Variants in PALD1 observed in about 807,000 individuals in gnomAD.
PALD1 encodes phosphatase domain containing paladin 1.
Under a neutral mutation model 96.0 loss-of-function variants are expected in PALD1, and 57 were observed. The observed-to-expected ratio is 0.59, with a 90% CI of 0.48 to 0.74. The LOEUF (loss-of-function observed/expected upper bound fraction) is 0.74. PALD1 is among the 30% of genes least tolerant of loss of function. The pLI is 0.00. For synonymous variants in PALD1, 464 were observed against 473.6 expected, an observed-to-expected ratio of 0.98 and a Z score of 0.26; for missense variants, 1,063 against 1,143.7, an observed-to-expected ratio of 0.93 and a Z score of 1.02.
chr10:70,465,174 C>A, the PALD1 span, among the ~76,000 whole-genome samples: 1 of 151,906 alleles, frequency 6.6e-6, no homozygotes, highest in Admixed American at 6.6e-5. Context: ...CGGGGTTTCA[C>A]CATGTTAGCC....
Position 70,530,049 on chromosome 10 carries a change from T to G in PALD1, c.449T>G (p.Leu150Arg). The G allele has an allele frequency of 6.5e-7, 1 of 1,536,668 alleles. No individual in the cohort carries two copies. The highest frequency in any genetic ancestry group is 1.2e-5 in the South Asian group (1 of 80,132). Residue 150 changes from leucine to arginine, a missense_variant, in exon 4 of 20, where the codon CTC becomes CGC. Coordinates refer to ENST00000263563, the MANE Select transcript of PALD1 (RefSeq NM_014431.3). The stretch of plus-strand genomic sequence containing the variant: ...GGGTTCAGGCGGGTCCTCCAGAAAC[T>G]CCAGAAGGACGGACATAGGGTAAGT... ...LSGFRRVLQK[L>R]QKDGHRECVI...
rs1847197966 is a variant in PALD1, at chr10:70,539,676, G to A, written c.1822G>A (p.Glu608Lys). ...YRFQTCLTMQEVFSQHRRACP... is the reference protein window; with the variant it reads ...YRFQTCLTMQKVFSQHRRACP... ...GTTCCAGACCTGCCTTACCATGCAGGAGGTCTTCAGCCAGCACCGCAGGGC... is the reference window on the plus strand; with the variant it reads ...GTTCCAGACCTGCCTTACCATGCAGAAGGTCTTCAGCCAGCACCGCAGGGC... Residue 608 changes from glutamate to lysine, a missense_variant, in exon 15 of 20, where the codon GAG becomes AAG. Transcript: ENST00000263563. This position sits in a 1 kb window ranked among gnomAD's most constrained non-coding sequence, Gnocchi z 4.5. The A allele has an allele frequency of 6.2e-7, 1 of 1,613,748 alleles. No homozygotes were observed. The highest frequency in any genetic ancestry group is 1.3e-5 in the African/African-American group (1 of 74,996).
chr10:70,552,144 A>G (rs1254364332), intron 18 of PALD1, among the ~76,000 whole-genome samples: 13 of 152,224 alleles, frequency 8.5e-5, no homozygotes, highest in Non-Finnish European at 1.9e-4. Flanking sequence ...AAAGGTGCGC[A>G]GAGCTGACGT....
At chr10:70,516,172 C>T (rs1024571919) in intron 1 of PALD1, among the ~76,000 whole-genome samples, 1 of 152,084 alleles carries the variant, frequency 6.6e-6, no homozygotes, top group Non-Finnish European at 1.5e-5. Context: ...GTTCTGTTGC[C>T]CAGGCTGGAG....
intron 18 of PALD1, among the ~76,000 whole-genome samples, chr10:70,560,721 G>A (rs933849383): frequency 2.0e-5 from 3 of 151,970 alleles, no homozygotes; most frequent in Admixed American, 6.6e-5. Context: ...GGGCTGCCTC[G>A]ATGCCAGCCA....
intron 1 of PALD1, among the ~76,000 whole-genome samples, chr10:70,515,508 G>A (rs1846602748): frequency 6.6e-6 from 1 of 152,258 alleles, no homozygotes; most frequent in Non-Finnish European, 1.5e-5. Context: ...GATGGCGCCT[G>A]GGCGAGGCCC....
the PALD1 span, among the ~76,000 whole-genome samples, chr10:70,462,918 G>T: frequency 6.6e-6 from 1 of 152,204 alleles, no homozygotes. Context: ...CCTGGGAACT[G>T]GGAGACTGAG....
chr10:70,471,609 T>C, the PALD1 span, among the ~76,000 whole-genome samples: 1 of 152,268 alleles, frequency 6.6e-6, no homozygotes, highest in Admixed American at 6.5e-5. Flanking sequence ...ACCTCTCTAC[T>C]GACAGACCTT....
intron 1 of PALD1, among the ~76,000 whole-genome samples, chr10:70,518,155 G>C (rs983458396): frequency 5.3e-5 from 8 of 152,094 alleles, no homozygotes; most frequent in African/African-American, 1.9e-4. Flanking sequence ...CGCCCGCCTC[G>C]GCCTCCAAAG....
At chr10:70,522,369 G>A (rs1318145855) in intron 1 of PALD1, among the ~76,000 whole-genome samples, 1 of 152,204 alleles carries the variant, frequency 6.6e-6, no homozygotes, top group Non-Finnish European at 1.5e-5. Context: ...GTGGGGAGTG[G>A]TTTAAGAGCA....
At chr10:70,528,395 G>GC (rs1846914671) in intron 2 of PALD1, among the ~76,000 whole-genome samples, 1 of 152,128 alleles carries the variant, frequency 6.6e-6, no homozygotes, top group Non-Finnish European at 1.5e-5. Context: ...TGCTTACTGT[G>GC]CCCCAGGCAC....
intron 18 of PALD1, among the ~76,000 whole-genome samples, chr10:70,556,647 A>G (rs753105268): frequency 6.6e-6 from 1 of 151,844 alleles, no homozygotes; most frequent in Non-Finnish European, 1.5e-5. Flanking sequence ...CTTCCTTCCC[A>G]TTGTAGGGCA....
upstream of PALD1, among the ~76,000 whole-genome samples, chr10:70,476,510 G>A (rs1845823998): frequency 6.6e-6 from 1 of 152,118 alleles, no homozygotes. Flanking sequence ...CCCTCTGGGG[G>A]GCTGGTGGTG....
At chr10:70,500,135 C>T (rs953686874) in intron 1 of PALD1, among the ~76,000 whole-genome samples, 14 of 152,202 alleles carry the variant, frequency 9.2e-5, no homozygotes, top group African/African-American at 1.9e-4. Context: ...CTGCATTCAA[C>T]GCCCTGCTTG....
At chr10:70,545,979 G>A (rs947023388) in intron 17 of PALD1, among the ~76,000 whole-genome samples, 1 of 151,792 alleles carries the variant, frequency 6.6e-6, no homozygotes, top group Non-Finnish European at 1.5e-5. Flanking sequence ...GCTCATGCCT[G>A]TAATCCCAGC....
chr10:70,547,419 G>A lies in PALD1; in HGVS notation c.2235G>A (p.Arg745=). 1 of 1,612,194 alleles carries A rather than the reference G, an allele frequency of 6.2e-7. No individual in the cohort carries two copies. The highest frequency in any genetic ancestry group is 8.5e-7 in the Non-Finnish European group (1 of 1,179,490). ...TGACGCCCATGCACTACCACCTGCG[G>A]GAGATCATCATCTGCACCTACCGCC... ...ETMTPMHYHL[R]EIIICTYRQA... Residue 745 remains arginine (R), a synonymous_variant, in exon 18 of 20, where the codon CGG becomes CGA. Transcript: ENST00000263563.
chr10:70,541,690 G>T (rs892123840), intron 17 of PALD1, among the ~76,000 whole-genome samples, 156 bp downstream of exon 17: 16 of 152,170 alleles, frequency 1.1e-4, no homozygotes, highest in Admixed American at 5.9e-4. Context: ...TTATAGATGA[G>T]CCCAGCAAGG....
chr10:70,497,524 C>T (rs1415326483), intron 1 of PALD1, among the ~76,000 whole-genome samples: 2 of 151,940 alleles, frequency 1.3e-5, no homozygotes, highest in Non-Finnish European at 2.9e-5. Context: ...ATCCTGAGCT[C>T]TGCAGGGCTG....
At chr10:70,542,014 ATCT>A (rs1469337381) in intron 17 of PALD1, among the ~76,000 whole-genome samples, 1 of 152,186 alleles carries the variant, frequency 6.6e-6, no homozygotes, top group Non-Finnish European at 1.5e-5. Context: ...GCCACAGGCC[ATCT>A]TCTCAGGCAT....
Sources: gnomAD v4.1 joint callset for allele counts (sites outside exome capture counted in the v4.1 genomes callset) on GRCh38, gnomAD v4.1.1 for gene constraint, Gnocchi (gnomAD v3.1) non-coding constraint, MANE v1.5 for transcripts, NCBI Gene and HGNC (gene_info 2026-07-23, HGNC 2026-07-21) for gene names.